Variants in ANKRA2 observed in about 807,000 individuals in gnomAD.
The protein encoded by ANKRA2 is ankyrin repeat family A protein 2.
In ANKRA2, 33 loss-of-function variants were observed where a neutral mutation model predicts 37.8. The ratio of observed to expected loss-of-function variants is 0.87; its 90% CI spans 0.66 to 1.17. The LOEUF (loss-of-function observed/expected upper bound fraction) is 1.17. ANKRA2 is among the 50% of genes most tolerant of loss of function. The pLI is 0.00. For synonymous variants in ANKRA2, 126 were observed against 132.3 expected (o/e 0.95, Z 0.33); for missense variants, 326 against 373.7 (o/e 0.87, Z 1.05).
chr5:73,562,962 C>A lies in ANKRA2; in HGVS notation c.-81G>T. On this transcript the variant is annotated 5_prime_UTR_variant, in exon 2 of 9. Transcript: ENST00000296785. ...TTGTAAGAGCAGTATCCAGTGTGTT[C>A]TTGGAATCTGGATATTTAAAAATCT... The A allele has an allele frequency of 7.8e-7, 1 of 1,278,106 alleles. No individual in the cohort carries two copies. The highest frequency in any genetic ancestry group is 1.1e-6 in the Non-Finnish European group (1 of 943,282). The allele number at this position is 1,278,106 out of a possible 1,614,324, so 79.2% of individuals were successfully genotyped here.
Position 73,552,616 on chromosome 5 carries a change from T to C in ANKRA2, c.*181A>G, listed in dbSNP as rs1747283238. The C allele has an allele frequency of 1.9e-6, 1 of 528,530 alleles. No individual in the cohort carries two copies. The highest frequency in any genetic ancestry group is 3.3e-6 in the Non-Finnish European group (1 of 303,914). The allele number at this position is 528,530 out of a possible 1,614,324, so 32.7% of individuals were successfully genotyped here. On this transcript the variant is annotated 3_prime_UTR_variant, in exon 9 of 9. Coordinates refer to ENST00000296785, the MANE Select transcript of ANKRA2 (RefSeq NM_023039.5). ...ATAATTTTAAATATACAGTAAAACATAGTTATAAAAAGAGTATTACATTTA... is the reference window on the plus strand; with the variant it reads ...ATAATTTTAAATATACAGTAAAACACAGTTATAAAAAGAGTATTACATTTA...
At chr5:73,553,309 G>T in intron 8 of ANKRA2, 97 bp downstream of exon 8, 1 of 885,190 alleles carries the variant, frequency 1.1e-6, no homozygotes, top group Non-Finnish European at 1.7e-6. Flanking sequence ...GGGATAACAT[G>T]TTTTAGGATT....
At chr5:73,559,068 G>T (rs1451774122) in intron 3 of ANKRA2, among the ~76,000 whole-genome samples, 3 of 152,150 alleles carry the variant, frequency 2.0e-5, no homozygotes. Flanking sequence ...TCAATGATAC[G>T]ATTGGATGGC....
rs758290713 is a variant in ANKRA2, at chr5:73,562,912, A to G, written c.-31T>C. 6.5e-7 allele frequency: 1 copy of G among 1,549,514 alleles called. No individual in the cohort carries two copies. ...CAACTGTAGTTTCAATAACTAAAAC[A>G]TTTCTTCATGATTTCCTCTTGGTTT... On this transcript the variant is annotated 5_prime_UTR_variant, in exon 2 of 9. An upstream start codon of the reference 5' UTR is lost. Coordinates refer to ENST00000296785, the MANE Select transcript of ANKRA2 (RefSeq NM_023039.5).
chr5:73,555,492 TGAA>T lies in ANKRA2; in HGVS notation c.605_607del (p.Leu202del), dbSNP rs1438049951. ...TTTCTGAGGCATTTTCCTTACATTCTGAAGTAGGAACTCTACCACAGCTATTTG... is the reference window on the plus strand; with the variant it reads ...TTTCTGAGGCATTTTCCTTACATTCTGTAGGAACTCTACCACAGCTATTTG... On this transcript the variant is annotated inframe_deletion, in exon 5 of 9. Coordinates refer to ENST00000296785, the MANE Select transcript of ANKRA2 (RefSeq NM_023039.5). 6.2e-7 allele frequency: 1 copy of T among 1,612,988 alleles called. No homozygotes were observed. Among genetic ancestry groups the T allele is most frequent in the East Asian group, 2.2e-5 (1 of 44,886 alleles).
intron 4 of ANKRA2, among the ~76,000 whole-genome samples, chr5:73,556,822 T>G (rs1004990282): frequency 1.3e-5 from 2 of 151,930 alleles, no homozygotes; most frequent in Non-Finnish European, 2.9e-5. Context: ...TTAAAAAATG[T>G]AAATGAAACT....
chr5:73,557,543 A>G (rs1747434705), intron 4 of ANKRA2, 32 bp downstream of exon 4: 3 of 1,443,876 alleles, frequency 2.1e-6, no homozygotes, highest in Non-Finnish European at 2.8e-6. Context: ...ATCCTATTGA[A>G]TTTGTTTAAA....
chr5:73,560,537 T>TTTTTTTA (rs926856340), intron 3 of ANKRA2, among the ~76,000 whole-genome samples: 2 of 151,900 alleles, frequency 1.3e-5, no homozygotes, highest in Non-Finnish European at 2.9e-5. Flanking sequence ...TTTTTTGAAA[T>TTTTTTTA]TTTTTTATTT....
At chr5:73,561,453 C>T (rs575026601) in intron 2 of ANKRA2, 165 bp from the exon 3 acceptor site, 114 of 691,942 alleles carry the variant, frequency 1.6e-4, no homozygotes, top group African/African-American at 1.6e-3. Flanking sequence ...TCCTTGTTTG[C>T]ATAATGGTTA....
intron 4 of ANKRA2, 164 bp downstream of exon 4, chr5:73,557,409 TCC>T (rs1229702123): frequency 2.0e-4 from 75 of 367,556 alleles, no homozygotes; most frequent in African/African-American, 1.6e-3. Context: ...CGCTTTATAT[TCC>T]TTTTTTTTTT....
chr5:73,557,623 A>C lies in ANKRA2; in HGVS notation c.466T>G (p.Leu156Val), dbSNP rs368575233. 1 of 1,610,710 alleles carries C rather than the reference A, an allele frequency of 6.2e-7. No individual in the cohort carries two copies. The highest frequency in any genetic ancestry group is 1.3e-5 in the African/African-American group (1 of 74,952). ...LLANSLSVHQ[L>V]AAQGEMLYLA... ...TAGAGCATCTCTCCCTGAGCAGCCA[A>C]CTGGTGAACAGACAAAGCTGAAAGA... is the stretch of plus-strand genomic sequence containing the variant. Residue 156 changes from leucine to valine, a missense_variant, in exon 4 of 9, where the codon TTG (leucine) becomes GTG (valine). Coordinates refer to ENST00000296785, the MANE Select transcript of ANKRA2 (RefSeq NM_023039.5).
rs1403625875 is a variant in ANKRA2 at position 73,552,340 on chromosome 5, G to T, written c.*457C>A. The T allele has an allele frequency of 6.6e-6, 1 of 151,000 alleles. No individual in the cohort carries two copies. Among genetic ancestry groups the T allele is most frequent in the Non-Finnish European group, 1.5e-5 (1 of 68,242 alleles). The allele number at this position is 151,000 out of a possible 1,614,324, so 9.4% of individuals were successfully genotyped here. ...TAAAAAAGTAGTATGCAAACTGACAGAAGAAGTATTTTATTTATTTATAAT... is the reference window on the plus strand; with the variant it reads ...TAAAAAAGTAGTATGCAAACTGACATAAGAAGTATTTTATTTATTTATAAT... On this transcript the variant is annotated 3_prime_UTR_variant, in exon 9 of 9. Transcript: ENST00000296785.
intron 4 of ANKRA2, among the ~76,000 whole-genome samples, chr5:73,555,956 T>C (rs1265057974): frequency 6.6e-6 from 1 of 152,218 alleles, no homozygotes; most frequent in Non-Finnish European, 1.5e-5. Context: ...ATTTCTTCAA[T>C]ATACAGAATT....
intron 3 of ANKRA2, among the ~76,000 whole-genome samples, chr5:73,558,600 T>C (rs548251190): frequency 6.6e-6 from 1 of 152,318 alleles, no homozygotes; most frequent in African/African-American, 2.4e-5. Flanking sequence ...AGTGGTGTGA[T>C]CTCAGCTCAC....
intron 4 of ANKRA2, among the ~76,000 whole-genome samples, chr5:73,556,108 A>C (rs1210253195): frequency 6.6e-6 from 1 of 152,222 alleles, no homozygotes; most frequent in African/African-American, 2.4e-5. Flanking sequence ...GCTGCCTGTG[A>C]ATTTCTCTCA....
chr5:73,561,219 G>A lies in ANKRA2; in HGVS notation c.359C>T (p.Thr120Ile), dbSNP rs761503644. The part of the protein sequence containing the change: ...QVRHVYTPST[T>I]KHFSPIKQST... ...CTGTTTTATGGGTGAGAAATGCTTTGTTGTAGAGGGGGTGTAGACATGCCT... is the reference window on the plus strand; with the variant it reads ...CTGTTTTATGGGTGAGAAATGCTTTATTGTAGAGGGGGTGTAGACATGCCT... The change falls in exon 3 of 9, where the codon ACA becomes ATA. Residue 120 changes from threonine to isoleucine, a missense_variant. This residue lies in a region of ANKRA2 where 228 missense variants were observed against 260.2 expected (regional missense o/e 0.88). Coordinates refer to ENST00000296785, the MANE Select transcript of ANKRA2 (RefSeq NM_023039.5). 6.2e-7 allele frequency: 1 copy of A among 1,613,272 alleles called. No individual in the cohort carries two copies.
chr5:73,559,770 T>C (rs1365384496), intron 3 of ANKRA2, among the ~76,000 whole-genome samples: 1 of 152,218 alleles, frequency 6.6e-6, no homozygotes, highest in Non-Finnish European at 1.5e-5. Flanking sequence ...TTATTATTGA[T>C]TGATTGGAAT....
In ANKRA2 at chr5:73,552,819, A is replaced by T; in HGVS notation, c.920T>A (p.Leu307Gln). 6.2e-7 allele frequency: 1 copy of T among 1,607,690 alleles called. No homozygotes were observed. The highest frequency in any genetic ancestry group is 8.5e-7 in the Non-Finnish European group (1 of 1,175,338). The change falls in exon 9 of 9, where the codon CTG (leucine) becomes CAG (glutamine). Residue 307 changes from leucine (L) to glutamine (Q), a missense_variant. This residue lies in a region of ANKRA2 where 228 missense variants were observed against 260.2 expected (regional missense o/e 0.88). Transcript: ENST00000296785. ...QQVIESHLLK[L>Q]LQNIKE ...TGTCTACTCCTTGATATTTTGAAGC[A>T]GCTTCAACAAATGTGACTCAATAAC...
chr5:73,565,499 T>G lies in ANKRA2; in HGVS notation c.-472A>C. ...CAGCAATGCAGCTGAAACTTTCGGG[T>G]TTTCTTTTTTTTGTCCCTCTCTCCT... On this transcript the variant is annotated 5_prime_UTR_variant, in exon 1 of 9. Coordinates refer to ENST00000296785, the MANE Select transcript of ANKRA2 (RefSeq NM_023039.5). 4.1e-6 allele frequency: 1 copy of G among 242,166 alleles called. No individual in the cohort carries two copies. The highest frequency in any genetic ancestry group is 8.4e-6 in the Non-Finnish European group (1 of 118,720). 15.0% of individuals were successfully genotyped at this position (242,166 alleles called of 1,614,324 possible).
Sources: gnomAD v4.1 joint callset for allele counts (sites outside exome capture counted in the v4.1 genomes callset) on GRCh38, gnomAD v4.1.1 for gene constraint, gnomAD v4.1.1 regional missense constraint, MANE v1.5 for transcripts, NCBI Gene and HGNC (gene_info 2026-07-23, HGNC 2026-07-21) for gene names.